Variants in THSD4 observed in about 807,000 individuals in gnomAD.
THSD4 encodes the protein thrombospondin type 1 domain containing 4.
Under a neutral mutation model 119.0 loss-of-function variants are expected in THSD4, and 69 were observed. The observed-to-expected ratio is 0.58, with a 90% CI of 0.48 to 0.71. The LOEUF is 0.71. Among genes scored for constraint, THSD4 ranks in the 30% least tolerant of loss-of-function variants. THSD4 has a pLI of 0.00. For synonymous variants in THSD4, 524 were observed against 540.4 expected, an observed-to-expected ratio of 0.97 and a Z score of 0.42; for missense variants, 1,393 against 1,391.1, an observed-to-expected ratio of 1.00 and a Z score of -0.02.
At chr15:71,604,833 A>ACAATAAC (rs61580142) in intron 7 of THSD4, among the ~76,000 whole-genome samples, 1 of 152,042 alleles carries the variant, frequency 6.6e-6, no homozygotes, top group East Asian at 1.9e-4. Flanking sequence ...AAAAACAAAA[A>ACAATAAC]AAAAACCTGT....
chr15:71,600,560 C>G (rs2049986843), intron 7 of THSD4, among the ~76,000 whole-genome samples: 1 of 152,114 alleles, frequency 6.6e-6, no homozygotes, highest in Admixed American at 6.5e-5. Context: ...TCACACCCAA[C>G]CATTTTCAGT....
chr15:71,714,508 T>C (rs2052570280), intron 8 of THSD4, among the ~76,000 whole-genome samples: 1 of 152,186 alleles, frequency 6.6e-6, no homozygotes, highest in African/African-American at 2.4e-5. Flanking sequence ...AAATTAAATA[T>C]AGCTAAAAGG....
At position 71,354,793 on chromosome 15, in the gene THSD4, C is replaced by G. The variant is rs956219498; in HGVS notation, c.1016-56894C>G. ...CTAAATTTCCTAATCCAGAATAAAT[C>G]CTACATCACTGTCCAGACAAGATGT... On this transcript the variant is annotated intron_variant, in intron 6 of 17. Transcript: ENST00000261862. 2.6e-5 allele frequency among the ~76,000 whole-genome samples: 4 copies of G among 152,214 alleles called. No homozygotes were observed. The East Asian group carries it at 5.8e-4, about 22-fold the overall frequency.
At chr15:71,210,889 T>G (rs80227213) in intron 3 of THSD4, among the ~76,000 whole-genome samples, 2,978 of 152,314 alleles carry the variant, frequency 0.02, 123 homozygotes, top group African/African-American at 0.069. Context: ...AACATTTAGG[T>G]TGCTTCCTTT....
chr15:71,494,755 C>T (rs957135171), intron 7 of THSD4, among the ~76,000 whole-genome samples: 7 of 152,184 alleles, frequency 4.6e-5, no homozygotes, highest in African/African-American at 1.7e-4. Context: ...GATTTTATGC[C>T]AGTGCTAGTG....
At chr15:71,757,425 AT>A (rs1003124352) in intron 14 of THSD4, among the ~76,000 whole-genome samples, 159 of 120,318 alleles carry the variant, frequency 1.3e-3, no homozygotes, top group African/African-American at 6.7e-3. Flanking sequence ...ATATATATAT[AT>A]TTTTTTATTT....
At chr15:71,347,058 G>C (rs776241316) in intron 6 of THSD4, among the ~76,000 whole-genome samples, 2 of 151,670 alleles carry the variant, frequency 1.3e-5, no homozygotes, top group Non-Finnish European at 2.9e-5. Flanking sequence ...ATTTTTAGTA[G>C]AGACAGGGTT....
chr15:71,435,819 A>G (rs1281077618), intron 7 of THSD4, among the ~76,000 whole-genome samples: 2 of 152,184 alleles, frequency 1.3e-5, no homozygotes, highest in African/African-American at 2.4e-5. Flanking sequence ...CAGGGATTAG[A>G]CTTTCCCAGC....
chr15:71,773,569 C>T (rs1162650216), intron 17 of THSD4, among the ~76,000 whole-genome samples: 1 of 152,142 alleles, frequency 6.6e-6, no homozygotes, highest in Non-Finnish European at 1.5e-5. Flanking sequence ...ATTAACAAAA[C>T]AGAATATGTA....
At chr15:71,402,499 A>G (rs555567734) in intron 6 of THSD4, among the ~76,000 whole-genome samples, 2 of 152,234 alleles carry the variant, frequency 1.3e-5, no homozygotes, top group African/African-American at 4.8e-5. Flanking sequence ...CCTGTGATGG[A>G]TGTGGGAGGC....
intron 7 of THSD4, among the ~76,000 whole-genome samples, chr15:71,583,132 T>C (rs565698952): frequency 6.6e-6 from 1 of 152,282 alleles, no homozygotes; most frequent in South Asian, 2.1e-4. Flanking sequence ...TTGCTATTTC[T>C]TTATGATTTA....
intron 7 of THSD4, among the ~76,000 whole-genome samples, chr15:71,653,329 TA>T (rs1373291716): frequency 1.7e-4 from 26 of 152,364 alleles, no homozygotes; most frequent in African/African-American, 6.0e-4. Context: ...TCTGTGGAAC[TA>T]CCATCATTTT....
intron 1 of THSD4, among the ~76,000 whole-genome samples, chr15:71,103,223 G>A (rs2040260922): frequency 6.6e-6 from 1 of 151,780 alleles, no homozygotes; most frequent in Non-Finnish European, 1.5e-5. Flanking sequence ...CTTGGGCTGT[G>A]GTTTCAATAT....
At chr15:71,625,255 G>A (rs1350627232) in intron 7 of THSD4, among the ~76,000 whole-genome samples, 2 of 152,026 alleles carry the variant, frequency 1.3e-5, no homozygotes, top group East Asian at 1.9e-4. Flanking sequence ...TGATCCACCC[G>A]CCTTGGCCTC....
At chr15:71,223,259 A>G (rs1054870948) in intron 4 of THSD4, among the ~76,000 whole-genome samples, 1 of 152,240 alleles carries the variant, frequency 6.6e-6, no homozygotes, top group African/African-American at 2.4e-5. Context: ...AGCCTGTGCG[A>G]CATCATGCTC....
At chr15:71,215,499 G>A in intron 4 of THSD4, 100 bp downstream of exon 4, 1 of 1,205,166 alleles carries the variant, frequency 8.3e-7, no homozygotes, top group East Asian at 3.1e-5. Context: ...CACAGACAGT[G>A]CGACTAATGC....
At chr15:71,662,723 G>A (rs533180464) in intron 8 of THSD4, among the ~76,000 whole-genome samples, 1 of 152,060 alleles carries the variant, frequency 6.6e-6, no homozygotes, top group Non-Finnish European at 1.5e-5. Context: ...GAGGCTTGTT[G>A]TTTTCATCTG....
At chr15:71,531,625 A>C (rs1414629996) in intron 7 of THSD4, among the ~76,000 whole-genome samples, 1 of 152,186 alleles carries the variant, frequency 6.6e-6, no homozygotes, top group Non-Finnish European at 1.5e-5. Context: ...CCTTGACCTG[A>C]CCTGTCCACT....
intron 7 of THSD4, among the ~76,000 whole-genome samples, chr15:71,439,876 G>A (rs1322624083): frequency 1.3e-5 from 2 of 152,146 alleles, no homozygotes; most frequent in African/African-American, 4.8e-5. Flanking sequence ...GGTGTGGGGG[G>A]CTAGGAGAGG....
Sources: gnomAD v4.1 joint callset for allele counts (sites outside exome capture counted in the v4.1 genomes callset) on GRCh38, gnomAD v4.1.1 for gene constraint, MANE v1.5 for transcripts, NCBI Gene and HGNC (gene_info 2026-07-23, HGNC 2026-07-21) for gene names.